ZNF521: variants seen among roughly 807,000 people sequenced by gnomAD.
ZNF521 encodes LYST-interacting protein 3.
In ZNF521, 14 loss-of-function variants were observed where a neutral mutation model predicts 105.5. The ratio of observed to expected loss-of-function variants is 0.13; its 90% CI spans 0.09 to 0.21. The LOEUF (loss-of-function observed/expected upper bound fraction) is 0.21, where lower values mean the gene tolerates loss of function less well. Among genes scored for constraint, ZNF521 ranks in the 10% least tolerant of loss-of-function variants. ZNF521 has a pLI of 1.00. For missense variants in ZNF521, 1,233 were observed against 1,629.7 expected (o/e 0.76, Z 4.19); for synonymous variants, 635 against 606.0 (o/e 1.05, Z -0.70).
chr18:25,211,798 AG>A (rs1157736118), intron 4 of ZNF521, among the ~76,000 whole-genome samples: 4 of 152,224 alleles, frequency 2.6e-5, no homozygotes, highest in Admixed American at 1.3e-4. Context: ...ATTCCCTTAT[AG>A]AAAGTGATAA....
intron 5 of ZNF521, among the ~76,000 whole-genome samples, chr18:25,154,577 G>A (rs887908241): frequency 6.6e-6 from 1 of 152,034 alleles, no homozygotes; most frequent in Non-Finnish European, 1.5e-5. Flanking sequence ...GTGCTTTGGG[G>A]GAAGAAATTT....
chr18:25,317,975 C>A (rs1381791009), intron 3 of ZNF521, among the ~76,000 whole-genome samples: 4 of 151,866 alleles, frequency 2.6e-5, no homozygotes, highest in Non-Finnish European at 5.9e-5. Flanking sequence ...CTATTCCTAA[C>A]GAGAGAAATA....
intron 3 of ZNF521, among the ~76,000 whole-genome samples, chr18:25,301,527 C>A (rs931374980): frequency 3.9e-5 from 6 of 152,226 alleles, no homozygotes; most frequent in Non-Finnish European, 8.8e-5. Context: ...TCCAAAAATA[C>A]CAACAATTGT....
chr18:25,308,495 T>C (rs556921597), intron 3 of ZNF521, among the ~76,000 whole-genome samples: 14 of 152,132 alleles, frequency 9.2e-5, no homozygotes, highest in Admixed American at 6.5e-4. Flanking sequence ...GCCCAGCAGA[T>C]TCTATGCTGC....
intron 5 of ZNF521, among the ~76,000 whole-genome samples, chr18:25,093,550 C>G (rs572181032): frequency 4.7e-4 from 72 of 152,184 alleles, no homozygotes; most frequent in Non-Finnish European, 9.7e-4. Context: ...TATTAGCTAA[C>G]TGTGAGTAAA....
At position 25,171,479 on chromosome 18, in the gene ZNF521, G is replaced by T. The variant is rs913591995; in HGVS notation, c.3658+23681C>A. Among the ~76,000 whole-genome samples the T allele has an allele frequency of 3.3e-5, 5 of 152,160 alleles. No homozygotes were observed. The South Asian group carries it at 1.0e-3, about 32-fold the overall frequency. On this transcript the variant is annotated intron_variant, in intron 5 of 7. Transcript: ENST00000361524. The stretch of plus-strand genomic sequence containing the variant: ...AAGTAATGATCGTTAGTCTTAAAAC[G>T]GTTACAAAGCCACTGTAAAGATTAG...
chr18:25,236,800 T>C (rs1008630177), intron 3 of ZNF521, among the ~76,000 whole-genome samples: 34 of 152,224 alleles, frequency 2.2e-4, no homozygotes, highest in African/African-American at 8.0e-4. Context: ...AAAAGTACTA[T>C]ATAAACTGGA....
chr18:25,333,970 T>C (rs1381576085), intron 2 of ZNF521, among the ~76,000 whole-genome samples: 1 of 152,148 alleles, frequency 6.6e-6, no homozygotes, highest in Non-Finnish European at 1.5e-5. Flanking sequence ...TCTCTTGACC[T>C]TTGAGTAACA....
intron 4 of ZNF521, among the ~76,000 whole-genome samples, chr18:25,209,019 C>T (rs1225300023): frequency 6.6e-6 from 1 of 152,188 alleles, no homozygotes; most frequent in Non-Finnish European, 1.5e-5. Context: ...TAACAGCAGA[C>T]TTTGTCAAGT....
chr18:25,279,839 T>C (rs543373325), intron 3 of ZNF521, among the ~76,000 whole-genome samples: 33 of 152,294 alleles, frequency 2.2e-4, no homozygotes, highest in Non-Finnish European at 3.8e-4. Context: ...GAATTATATA[T>C]AGAATAAATG....
chr18:25,088,768 C>T (rs1372902272), intron 7 of ZNF521, among the ~76,000 whole-genome samples: 4 of 151,954 alleles, frequency 2.6e-5, no homozygotes, highest in African/African-American at 9.7e-5. Context: ...ATAAGAATAA[C>T]CAAATCTTCC....
At chr18:25,327,619 G>A (rs776125223) in intron 2 of ZNF521, 2 of 537,000 alleles carry the variant, frequency 3.7e-6, no homozygotes, top group Admixed American at 1.9e-5. Flanking sequence ...AAGCCTTCCT[G>A]GTTTGCAAAA....
intron 4 of ZNF521, among the ~76,000 whole-genome samples, chr18:25,218,623 GC>G (rs1165655516): frequency 6.7e-6 from 1 of 150,184 alleles, no homozygotes; most frequent in Non-Finnish European, 1.5e-5. Context: ...CTGTACTCAA[GC>G]CTGGGCCACA....
At chr18:25,197,820 G>A (rs1295208696) in intron 4 of ZNF521, among the ~76,000 whole-genome samples, 1 of 151,670 alleles carries the variant, frequency 6.6e-6, no homozygotes, top group East Asian at 1.9e-4. Flanking sequence ...AGAAATACTT[G>A]GAATTACCTC....
At chr18:25,344,392 T>C (rs1259614766) in intron 2 of ZNF521, among the ~76,000 whole-genome samples, 1 of 152,210 alleles carries the variant, frequency 6.6e-6, no homozygotes, top group Non-Finnish European at 1.5e-5. Flanking sequence ...TTAATTGCTT[T>C]GTAATAACAC....
chr18:25,211,508 A>G (rs1748200796), intron 4 of ZNF521, among the ~76,000 whole-genome samples: 1 of 152,164 alleles, frequency 6.6e-6, no homozygotes, highest in African/African-American at 2.4e-5. Context: ...ATATTTTCAC[A>G]TGTTCACTGG....
At position 25,327,538 on chromosome 18, in the gene ZNF521, A is replaced by C. The variant is rs374886954; in HGVS notation, c.41-5351T>G. ...AAGTATGTTCAAATCCTAATCCCTG[A>C]TTTATGTTTATACTTTTTAAGAACA... On this transcript the variant is annotated intron_variant, in intron 2 of 7. Coordinates refer to ENST00000361524, the MANE Select transcript of ZNF521 (RefSeq NM_015461.3). 43 of 694,588 alleles carry C rather than the reference A, an allele frequency of 6.2e-5. No individual in the cohort carries two copies. The East Asian group carries it at 1.9e-3, about 31-fold the overall frequency. The allele number at this position is 694,588 out of a possible 1,614,324, so 43.0% of individuals were successfully genotyped here.
At chr18:25,234,060 G>C (rs993484052) in intron 3 of ZNF521, among the ~76,000 whole-genome samples, 1 of 152,174 alleles carries the variant, frequency 6.6e-6, no homozygotes, top group Non-Finnish European at 1.5e-5. Context: ...CGGAAATCAA[G>C]ACATTGTGTT....
intron 2 of ZNF521, among the ~76,000 whole-genome samples, chr18:25,330,385 C>T (rs1315667171): frequency 6.6e-6 from 1 of 151,672 alleles, no homozygotes; most frequent in Non-Finnish European, 1.5e-5. Context: ...AGGATGGTCT[C>T]GATCTCTTGA....
Sources: gnomAD v4.1 joint callset for allele counts (sites outside exome capture counted in the v4.1 genomes callset) on GRCh38, gnomAD v4.1.1 for gene constraint, MANE v1.5 for transcripts, NCBI Gene and HGNC (gene_info 2026-07-23, HGNC 2026-07-21) for gene names.